Variants in OCA2 observed in about 807,000 individuals in gnomAD.
The protein encoded by OCA2 is P protein.
In OCA2, 77 loss-of-function variants were observed where a neutral mutation model predicts 100.2. The ratio of observed to expected loss-of-function variants is 0.77; its 90% CI spans 0.64 to 0.93. OCA2 has a LOEUF of 0.93. OCA2 is among the 40% of genes least tolerant of loss of function. The pLI, the probability that OCA2 is intolerant of heterozygous loss-of-function variation, is 0.00. For missense variants in OCA2, 1,062 were observed against 1,089.1 expected (o/e 0.98, Z 0.35); for synonymous variants, 432 against 439.2 (o/e 0.98, Z 0.21).
At chr15:28,010,847 T>C (rs1182047949) in intron 9 of OCA2, among the ~76,000 whole-genome samples, 1 of 152,114 alleles carries the variant, frequency 6.6e-6, no homozygotes, top group Admixed American at 6.6e-5. Flanking sequence ...GAAAATGTAT[T>C]TGGAAAACAA....
At chr15:27,724,215 G>A in the OCA2 span, among the ~76,000 whole-genome samples, 4 of 152,186 alleles carry the variant, frequency 2.6e-5, no homozygotes, top group Non-Finnish European at 5.9e-5. Context: ...TCATACAGCC[G>A]ACTTTTATTG....
chr15:27,915,362 G>A lies in OCA2; in HGVS notation c.2079+10765C>T, dbSNP rs143665551. On this transcript the variant is annotated intron_variant, in intron 19 of 23. Transcript: ENST00000354638. ...AACTAAAACAAAAGTTGACAAATGG[G>A]GCCTCATTAAACTAAGGAGCTTCTA... Among the ~76,000 whole-genome samples, 56 of 152,108 alleles carry A rather than the reference G, an allele frequency of 3.7e-4. No individual in the cohort carries two copies. In the East Asian group the frequency reaches 0.01, roughly 27 times the overall value.
chr15:28,051,873 T>C (rs1016234976), intron 2 of OCA2, among the ~76,000 whole-genome samples: 2 of 152,130 alleles, frequency 1.3e-5, no homozygotes, highest in African/African-American at 4.8e-5. Context: ...ATCTTTCCTA[T>C]AGCCTTGTGC....
chr15:28,021,089 T>C (rs746861), intron 6 of OCA2, among the ~76,000 whole-genome samples: 67,220 of 152,084 alleles, frequency 0.44, 15,295 homozygotes, highest in Middle Eastern at 0.71. Flanking sequence ...AAAAAACACT[T>C]GCCATTTAGC....
intron 23 of OCA2, among the ~76,000 whole-genome samples, chr15:27,782,631 C>A (rs1171843001): frequency 1.3e-5 from 2 of 152,194 alleles, no homozygotes; most frequent in African/African-American, 2.4e-5. Flanking sequence ...CTTGAAGGGT[C>A]ATGCCTCAGC....
Position 27,957,684 on chromosome 15 carries a change from G to A in OCA2, c.1688C>T (p.Pro563Leu), listed in dbSNP as rs201904219. 8.9e-5 allele frequency: 143 copies of A among 1,613,058 alleles called. No individual in the cohort carries two copies. Among genetic ancestry groups the A allele is most frequent in the Non-Finnish European group, 7.0e-5 (83 of 1,180,000 alleles). ...CACAGCTGTCTCCTCGCGGCTGGCC[G>A]GGCTGATGCGCTGAGCAGTCAGGCG... is the stretch of plus-strand genomic sequence containing the variant. ...VWRLTAQRIS[P>L]ASREETAVRR... is the part of the protein sequence containing the mutation. The change falls in exon 16 of 24, where the codon CCG becomes CTG. Residue 563 changes from proline to leucine, a missense_variant. Physicochemically the swap from Pro to Leu is moderately conservative, Grantham distance 98 (BLOSUM62 -3). Transcript: ENST00000354638. This position sits in a 1 kb window ranked among gnomAD's most constrained non-coding sequence, Gnocchi z 4.3.
chr15:28,041,647 C>A (rs12324648), intron 2 of OCA2, among the ~76,000 whole-genome samples: 34,303 of 152,048 alleles, frequency 0.23, 5,392 homozygotes, highest in African/African-American at 0.44. Context: ...TTTTTAAAAT[C>A]ATTAGGATTA....
In OCA2 at chr15:27,951,886, T is replaced by A. The variant is rs763016773; in HGVS notation, c.1849A>T (p.Ile617Leu). The A allele has an allele frequency of 2.9e-5, 46 of 1,609,358 alleles. No individual in the cohort carries two copies. The highest frequency in any genetic ancestry group is 3.9e-5 in the Non-Finnish European group (46 of 1,175,862). ...TTGGCGAGCAGAATCCCGTCAGATA[T>A]CCTATGCTGTAAGAGAGAAACCACA... ...NIQELQKKHR[I>L]SDGILLAKCL... Residue 617 changes from isoleucine to leucine, a missense_variant, in exon 18 of 24, where the codon ATA (isoleucine) becomes TTA (leucine). Coordinates refer to ENST00000354638, the MANE Select transcript of OCA2 (RefSeq NM_000275.3).
rs368632425 is a variant in OCA2 at position 28,080,488 on chromosome 15, A to G, written c.227+1160T>C. On this transcript the variant is annotated intron_variant, in intron 2 of 23. Coordinates refer to ENST00000354638, the MANE Select transcript of OCA2 (RefSeq NM_000275.3). ...TCAGCACAAAGAAACCTCAAAACACATTGCCAAAGAGAGCAACTCAAAGTT... is the reference window on the plus strand; with the variant it reads ...TCAGCACAAAGAAACCTCAAAACACGTTGCCAAAGAGAGCAACTCAAAGTT... Among the ~76,000 whole-genome samples, 63 of 152,370 alleles carry G rather than the reference A, an allele frequency of 4.1e-4. No individual in the cohort carries two copies. In the East Asian group the frequency reaches 7.5e-3, roughly 18 times the overall value.
chr15:27,753,469 C>T (rs2030144493), downstream of OCA2, among the ~76,000 whole-genome samples: 3 of 152,118 alleles, frequency 2.0e-5, no homozygotes, highest in Admixed American at 1.3e-4. Context: ...CACGGTGGCT[C>T]ATGCCTGTAA....
chr15:27,817,653 G>A (rs2034354143), intron 23 of OCA2, among the ~76,000 whole-genome samples: 1 of 152,086 alleles, frequency 6.6e-6, no homozygotes, highest in Non-Finnish European at 1.5e-5. Context: ...CCCAGGAGAT[G>A]GATTTGCGGG....
At chr15:27,850,323 G>A (rs1015195120) in intron 22 of OCA2, among the ~76,000 whole-genome samples, 2 of 152,136 alleles carry the variant, frequency 1.3e-5, no homozygotes, top group African/African-American at 4.8e-5. Context: ...CTCCCCACTC[G>A]ACAGCAGGGG....
chr15:27,913,903 G>A (rs1257097073), intron 19 of OCA2, among the ~76,000 whole-genome samples: 5 of 39,966 alleles, frequency 1.3e-4, no homozygotes, highest in Non-Finnish European at 1.8e-4. Context: ...AAGCAAGCAA[G>A]CAAGCAAGCA....
intron 23 of OCA2, among the ~76,000 whole-genome samples, chr15:27,781,171 C>T (rs1022875238): frequency 6.6e-6 from 1 of 152,170 alleles, no homozygotes; most frequent in South Asian, 2.1e-4. Flanking sequence ...GTTCAGTCAC[C>T]CCACTTGTAC....
chr15:27,857,508 T>C (rs1362862993), intron 21 of OCA2, among the ~76,000 whole-genome samples: 2 of 152,132 alleles, frequency 1.3e-5, no homozygotes, highest in African/African-American at 4.8e-5. Flanking sequence ...ATAATATAAA[T>C]TTACTTAATG....
chr15:28,032,102 T>C lies in OCA2; in HGVS notation c.289A>G (p.Asn97Asp). 6.2e-7 allele frequency: 1 copy of C among 1,614,124 alleles called. No homozygotes were observed. Among genetic ancestry groups the C allele is most frequent in the Non-Finnish European group, 8.5e-7 (1 of 1,179,980 alleles). Reference sequence around the variant, plus strand: ...AAGGAATTCCTCAGCAAAGGAGTGTTTTCTGTAAAGCAGGAATCTTTAGAC... The same window carrying C: ...AAGGAATTCCTCAGCAAAGGAGTGTCTTCTGTAAAGCAGGAATCTTTAGAC... ...SRSKDSCFTE[N>D]TPLLRNSLQE... is the part of the protein sequence containing the mutation. Residue 97 changes from asparagine to aspartate, a missense_variant, in exon 3 of 24, where the codon AAC becomes GAC. By Grantham distance (23) the Asn-to-Asp change is conservative. Transcript: ENST00000354638.
intron 2 of OCA2, among the ~76,000 whole-genome samples, chr15:28,059,421 G>A (rs1566851493): frequency 6.6e-6 from 1 of 152,196 alleles, no homozygotes; most frequent in Admixed American, 6.5e-5. Context: ...GCCCTTGCCT[G>A]TAATCCCAGC....
chr15:28,015,033 G>T, intron 8 of OCA2, 104 bp from the exon 9 acceptor site: 1 of 1,176,976 alleles, frequency 8.5e-7, no homozygotes, highest in South Asian at 1.3e-5. Context: ...GAACAATTCA[G>T]CCCAACGCCC....
intron 23 of OCA2, among the ~76,000 whole-genome samples, chr15:27,765,729 A>C (rs1224371289): frequency 2.0e-5 from 3 of 152,188 alleles, no homozygotes; most frequent in African/African-American, 7.2e-5. Flanking sequence ...GGTCATCTGC[A>C]TCCTGTTATT....
Sources: allele counts gnomAD v4.1 joint callset (sites outside exome capture counted in the v4.1 genomes callset), GRCh38; gene constraint gnomAD v4.1.1; non-coding constraint Gnocchi (gnomAD v3.1); transcripts MANE v1.5; gene names NCBI Gene and HGNC (gene_info 2026-07-23, HGNC 2026-07-21).